Variants in TRIM71 observed in about 807,000 individuals in gnomAD.
TRIM71 encodes the protein tripartite motif containing 71.
Under a neutral mutation model 61.2 loss-of-function variants are expected in TRIM71, and 9 were observed. The ratio of observed to expected loss-of-function variants is 0.15; its 90% CI spans 0.09 to 0.26. TRIM71 has a LOEUF of 0.26. Among genes scored for constraint, TRIM71 ranks in the 10% least tolerant of loss-of-function variants. The pLI is 1.00. For synonymous variants in TRIM71, 645 were observed against 553.2 expected, an observed-to-expected ratio of 1.17 and a Z score of -2.33; for missense variants, 998 against 1,238.7, an observed-to-expected ratio of 0.81 and a Z score of 2.92.
intron 1 of TRIM71, among the ~76,000 whole-genome samples, chr3:32,849,795 A>G (rs1217553684): frequency 6.6e-6 from 1 of 152,182 alleles, no homozygotes; most frequent in Non-Finnish European, 1.5e-5. Flanking sequence ...TTTTTTGTCA[A>G]GAACCCCTTT....
chr3:32,879,471 G>GAGGCCATT (rs1696884682), intron 2 of TRIM71, among the ~76,000 whole-genome samples: 1 of 152,212 alleles, frequency 6.6e-6, no homozygotes, highest in Admixed American at 6.5e-5. Context: ...TGAACACTTA[G>GAGGCCATT]AGGCCATTGT....
At chr3:32,864,120 G>C (rs74638839) in intron 1 of TRIM71, among the ~76,000 whole-genome samples, 1 of 152,184 alleles carries the variant, frequency 6.6e-6, no homozygotes, top group African/African-American at 2.4e-5. Flanking sequence ...AAGCTGGAGT[G>C]CAGTGGAATG....
intron 1 of TRIM71, among the ~76,000 whole-genome samples, chr3:32,852,111 T>G (rs777082468): frequency 2.6e-5 from 4 of 152,100 alleles, no homozygotes; most frequent in Non-Finnish European, 5.9e-5. Flanking sequence ...ACCAGGCTGT[T>G]TTATGGTCGG....
At chr3:32,874,047 G>T in intron 2 of TRIM71, 62 bp downstream of exon 2, 1 of 1,514,296 alleles carries the variant, frequency 6.6e-7, no homozygotes, top group Non-Finnish European at 8.9e-7. Flanking sequence ...CTGTCGGGTG[G>T]CATGGACAGA....
At chr3:32,852,807 G>A (rs924814884) in intron 1 of TRIM71, among the ~76,000 whole-genome samples, 2 of 150,718 alleles carry the variant, frequency 1.3e-5, no homozygotes, top group African/African-American at 4.9e-5. Flanking sequence ...TTTAGTATAA[G>A]CAATAATGAA....
At chr3:32,865,450 A>T (rs1379448131) in intron 1 of TRIM71, among the ~76,000 whole-genome samples, 1 of 152,164 alleles carries the variant, frequency 6.6e-6, no homozygotes, top group Non-Finnish European at 1.5e-5. Flanking sequence ...GGCCACACTG[A>T]TGGCTGTGTG....
chr3:32,861,129 C>G (rs999853893), intron 1 of TRIM71, among the ~76,000 whole-genome samples: 1 of 151,228 alleles, frequency 6.6e-6, no homozygotes, highest in Non-Finnish European at 1.5e-5. Flanking sequence ...GAGTTGAGAT[C>G]GTGTCATTGT....
Position 32,873,811 on chromosome 3 carries a change from TC to T in TRIM71, c.853-3del. On this transcript the variant is annotated splice_region_variant and splice_polypyrimidine_tract_variant and intron_variant, in intron 1 of 3. Transcript: ENST00000383763. ...CCATTTATGCCTGTACCCTCTCTTG[TC>T]CCCAGGTGCTGCACCTGTACTGTGA... The T allele has an allele frequency of 6.4e-7, 1 of 1,556,198 alleles. No individual in the cohort carries two copies. The highest frequency in any genetic ancestry group is 8.7e-7 in the Non-Finnish European group (1 of 1,143,482).
Position 32,818,903 on chromosome 3 carries a change from C to A in TRIM71, c.823C>A (p.Leu275Ile), listed in dbSNP as rs184187287. 1 of 1,612,594 alleles carries A rather than the reference C, an allele frequency of 6.2e-7. No homozygotes were observed. Among genetic ancestry groups the A allele is most frequent in the African/African-American group, 1.3e-5 (1 of 74,908 alleles). ...CATCCTCTCAGTGTTTCCCGAGCGC[C>A]TCGGCTTCTGCCAGCACCACGACGA... ...FSILSVFPER[L>I]GFCQHHDDEV... is the part of the protein sequence containing the mutation. Residue 275 changes from leucine (L) to isoleucine (I), a missense_variant, in exon 1 of 4, where the codon CTC (leucine) becomes ATC (isoleucine). This residue lies in a region of TRIM71 where 291 missense variants were observed against 431.2 expected (regional missense o/e 0.67). Coordinates refer to ENST00000383763, the MANE Select transcript of TRIM71 (RefSeq NM_001039111.3).
At chr3:32,840,231 C>T (rs1258814243) in intron 1 of TRIM71, among the ~76,000 whole-genome samples, 6 of 152,054 alleles carry the variant, frequency 3.9e-5, no homozygotes, top group African/African-American at 9.7e-5. Context: ...CCCCACCCCC[C>T]TTCCCTTCCA....
rs1575352035 is a variant in TRIM71, at chr3:32,861,402, G to A, written c.853-12416G>A. On this transcript the variant is annotated intron_variant, in intron 1 of 3. Transcript: ENST00000383763. Reference sequence around the variant, plus strand: ...CTACCTTGGCCTCCCAAAGTGCTGGGATTACAGGCATGAGCCACCGTGCCC... The same window carrying A: ...CTACCTTGGCCTCCCAAAGTGCTGGAATTACAGGCATGAGCCACCGTGCCC... Among the ~76,000 whole-genome samples the A allele has an allele frequency of 2.7e-5, 4 of 147,716 alleles. No homozygotes were observed. In the South Asian group the frequency reaches 9.4e-4, roughly 35 times the overall value.
rs2125672179 is a variant in TRIM71, at chr3:32,818,937, GT to G, written c.852+6del. On this transcript the variant is annotated splice_donor_region_variant and intron_variant, in intron 1 of 3. Coordinates refer to ENST00000383763, the MANE Select transcript of TRIM71 (RefSeq NM_001039111.3). ...TGCCAGCACCACGACGACGAGGTGA[GT>G]GCGTGGGGGCGTGTGTTTGTGTCCA... The G allele has an allele frequency of 6.2e-7, 1 of 1,610,792 alleles. No individual in the cohort carries two copies. Among genetic ancestry groups the G allele is most frequent in the East Asian group, 2.2e-5 (1 of 44,764 alleles).
At position 32,873,946 on chromosome 3, in the gene TRIM71, G is replaced by A. The variant is rs1696825183; in HGVS notation, c.981G>A (p.Gln327=). Reference sequence around the variant, plus strand: ...AGGACTCACGGGCACTCACCATCCAGCTGCTGGCAGATGCCCAGCAGGGAC... The same window carrying A: ...AGGACTCACGGGCACTCACCATCCAACTGCTGGCAGATGCCCAGCAGGGAC... ...ALQDSRALTI[Q]LLADAQQGRQ... The change falls in exon 2 of 4, where the codon CAG becomes CAA. Residue 327 remains glutamine, a synonymous_variant. Transcript: ENST00000383763. 6.2e-7 allele frequency: 1 copy of A among 1,613,274 alleles called. No homozygotes were observed. Among genetic ancestry groups the A allele is most frequent in the Non-Finnish European group, 8.5e-7 (1 of 1,179,750 alleles).
chr3:32,863,457 A>G (rs1044673987), intron 1 of TRIM71, among the ~76,000 whole-genome samples: 1 of 152,060 alleles, frequency 6.6e-6, no homozygotes, highest in African/African-American at 2.4e-5. Flanking sequence ...TGTGTAATCA[A>G]TCCTCGCATC....
rs932001774 is a variant in TRIM71 at position 32,821,811 on chromosome 3, C to T, written c.852+2879C>T. Reference sequence around the variant, plus strand: ...GAGAGGCGGGCGCAGGTAGAGTCGCCGCGGGCCTGCGCCGCCGCCCGGCCA... The same window carrying T: ...GAGAGGCGGGCGCAGGTAGAGTCGCTGCGGGCCTGCGCCGCCGCCCGGCCA... On this transcript the variant is annotated intron_variant, in intron 1 of 3. Transcript: ENST00000383763. Among the ~76,000 whole-genome samples the T allele has an allele frequency of 1.1e-4, 16 of 151,180 alleles. 1 individual carries two copies. The highest frequency in any genetic ancestry group is 1.1e-3 in the Admixed American group (16 of 15,200).
At chr3:32,848,605 A>G (rs1279443617) in intron 1 of TRIM71, among the ~76,000 whole-genome samples, 1 of 152,214 alleles carries the variant, frequency 6.6e-6, no homozygotes, top group East Asian at 1.9e-4. Flanking sequence ...AACGAGGCTC[A>G]AAAATACCCC....
intron 1 of TRIM71, among the ~76,000 whole-genome samples, chr3:32,853,339 G>A (rs993750359): frequency 6.6e-6 from 1 of 151,904 alleles, no homozygotes; most frequent in African/African-American, 2.4e-5. Context: ...GGATGGTCTC[G>A]ATCTCCTGAC....
chr3:32,841,384 A>G (rs1396091802), intron 1 of TRIM71, among the ~76,000 whole-genome samples: 1 of 150,902 alleles, frequency 6.6e-6, no homozygotes, highest in Admixed American at 6.6e-5. Context: ...CGTAAAGAAT[A>G]CTAGGTATCT....
intron 1 of TRIM71, among the ~76,000 whole-genome samples, chr3:32,869,696 G>T (rs549510129): frequency 6.6e-6 from 1 of 152,076 alleles, no homozygotes; most frequent in Non-Finnish European, 1.5e-5. Context: ...TCTCCCGCCC[G>T]TTCCTTTCCT....
Sources: allele counts gnomAD v4.1 joint callset (sites outside exome capture counted in the v4.1 genomes callset), GRCh38; gene constraint gnomAD v4.1.1; regional missense constraint gnomAD v4.1.1; transcripts MANE v1.5; gene names NCBI Gene and HGNC (gene_info 2026-07-23, HGNC 2026-07-21).